Variants in WSCD1 observed in about 807,000 individuals in gnomAD.
WSCD1 encodes the protein sialate:O-sulfotransferase 1.
In WSCD1, 41 loss-of-function variants were observed where a neutral mutation model predicts 60.4. The observed-to-expected ratio is 0.68, with a 90% CI of 0.53 to 0.88. WSCD1 has a LOEUF of 0.88. WSCD1 is among the 40% of genes least tolerant of loss of function. WSCD1 has a pLI of 0.00. For synonymous variants in WSCD1, 361 were observed against 332.5 expected, an observed-to-expected ratio of 1.09 and a Z score of -0.93; for missense variants, 784 against 796.2, an observed-to-expected ratio of 0.98 and a Z score of 0.18.
intron 5 of WSCD1, among the ~76,000 whole-genome samples, chr17:6,095,621 G>A (rs1910376385): frequency 6.6e-6 from 1 of 152,250 alleles, no homozygotes; most frequent in East Asian, 1.9e-4. Context: ...TCTGATGACA[G>A]GGGCTGGAGC....
chr17:6,093,895 G>A (rs1182450421), intron 4 of WSCD1, among the ~76,000 whole-genome samples: 1 of 152,216 alleles, frequency 6.6e-6, no homozygotes, highest in Non-Finnish European at 1.5e-5. Flanking sequence ...CCCACACTAG[G>A]CTGTTGTCTG....
At chr17:6,097,432 G>A (rs1453002042) in intron 5 of WSCD1, among the ~76,000 whole-genome samples, 1 of 152,200 alleles carries the variant, frequency 6.6e-6, no homozygotes, top group Non-Finnish European at 1.5e-5. Context: ...TCAAGCAACT[G>A]CATCCTTGCC....
intron 8 of WSCD1, among the ~76,000 whole-genome samples, chr17:6,119,145 C>T (rs1904485457): frequency 6.6e-6 from 1 of 152,342 alleles, no homozygotes; most frequent in Admixed American, 6.5e-5. Context: ...AATCCCCCAT[C>T]CCTAATACCA....
intron 2 of WSCD1, among the ~76,000 whole-genome samples, chr17:6,083,640 G>A (rs574355376): frequency 8.5e-5 from 13 of 152,222 alleles, no homozygotes; most frequent in South Asian, 2.1e-4. Context: ...TTAGCCAGGC[G>A]TGGTGGCACG....
At chr17:6,095,669 A>G (rs551720234) in intron 5 of WSCD1, among the ~76,000 whole-genome samples, 1 of 152,224 alleles carries the variant, frequency 6.6e-6, no homozygotes, top group African/African-American at 2.4e-5. Context: ...GCTGAGGAGT[A>G]GAGCGTGACC....
intron 5 of WSCD1, among the ~76,000 whole-genome samples, chr17:6,097,951 T>C (rs1910550305): frequency 7.8e-6 from 1 of 127,882 alleles, no homozygotes; most frequent in South Asian, 2.3e-4. Context: ...GAGAGTTCTT[T>C]CTTTTTTTTT....
chr17:6,103,048 T>C (rs1910892646), intron 5 of WSCD1, among the ~76,000 whole-genome samples: 1 of 152,212 alleles, frequency 6.6e-6, no homozygotes, highest in African/African-American at 2.4e-5. Context: ...AAAAGGGCTT[T>C]AGAGTCGTGG....
chr17:6,111,837 G>A (rs1312763435), intron 7 of WSCD1, among the ~76,000 whole-genome samples: 3 of 151,836 alleles, frequency 2.0e-5, no homozygotes, highest in Non-Finnish European at 4.4e-5. Context: ...ATGATTTTAA[G>A]GAAACTCAGC....
chr17:6,092,431 G>A (rs1910119298), intron 4 of WSCD1, among the ~76,000 whole-genome samples: 1 of 152,100 alleles, frequency 6.6e-6, no homozygotes, highest in South Asian at 2.1e-4. Context: ...GGGCAATGGG[G>A]ACAGGGGCGG....
chr17:6,105,878 G>A (rs983926360), intron 5 of WSCD1, among the ~76,000 whole-genome samples: 1 of 152,218 alleles, frequency 6.6e-6, no homozygotes, highest in African/African-American at 2.4e-5. Context: ...TTCTGATATG[G>A]GGAAGATTTG....
intron 2 of WSCD1, among the ~76,000 whole-genome samples, chr17:6,085,758 T>A (rs191817863): frequency 6.6e-6 from 1 of 152,368 alleles, no homozygotes; most frequent in East Asian, 1.9e-4. Flanking sequence ...AAATGGAACT[T>A]CTTTGCTGAG....
Position 6,080,684 on chromosome 17 carries a change from A to G in WSCD1, c.26A>G (p.Gln9Arg). 1 of 1,613,606 alleles carries G rather than the reference A, an allele frequency of 6.2e-7. No individual in the cohort carries two copies. Among genetic ancestry groups the G allele is most frequent in the East Asian group, 2.2e-5 (1 of 44,866 alleles). The change falls in exon 2 of 9, where the codon CAG becomes CGG. Residue 9 changes from glutamine to arginine, a missense_variant. Physicochemically the swap from Gln to Arg is conservative, Grantham distance 43. Coordinates refer to ENST00000317744, the MANE Select transcript of WSCD1 (RefSeq NM_015253.2). This position sits in a 1 kb window ranked among gnomAD's most constrained non-coding sequence, Gnocchi z 6.6. ...ATGGCCAAACCTTTCTTCCGACTCCAGAAGTTTCTCCGCCGAACACAGTTC... is the reference window on the plus strand; with the variant it reads ...ATGGCCAAACCTTTCTTCCGACTCCGGAAGTTTCTCCGCCGAACACAGTTC... MAKPFFRL[Q>R]KFLRRTQFLL...
At chr17:6,091,654 G>T (rs1455521085) in intron 4 of WSCD1, among the ~76,000 whole-genome samples, 1 of 152,174 alleles carries the variant, frequency 6.6e-6, no homozygotes, top group East Asian at 1.9e-4. Context: ...CACATGCTGG[G>T]GGCCATTCTT....
chr17:6,086,274 T>TATATATATATATATATATATATATATAC (rs1171616404), intron 2 of WSCD1, among the ~76,000 whole-genome samples: 7 of 145,736 alleles, frequency 4.8e-5, no homozygotes, highest in South Asian at 4.3e-4. Context: ...TATATATATA[T>TATATATATATATATATATATATATATAC]ACTTATGTAC....
chr17:6,115,101 A>G (rs1297014271), intron 7 of WSCD1, among the ~76,000 whole-genome samples: 1 of 152,228 alleles, frequency 6.6e-6, no homozygotes, highest in Non-Finnish European at 1.5e-5. Flanking sequence ...AGTCTGATTC[A>G]GGTAGTCCGA....
chr17:6,121,878 T>C lies in WSCD1; in HGVS notation c.*1217T>C, dbSNP rs929973920. The C allele has an allele frequency of 6.6e-6, 1 of 152,060 alleles. No homozygotes were observed. The allele number at this position is 152,060 out of a possible 1,614,324, so 9.4% of individuals were successfully genotyped here. A position where few individuals can be genotyped will look rare whatever the true frequency, so the allele number is the denominator to read the frequency against. ...GGCCAGGAGGTTCAAGTATGGAGGG[T>C]AGGAGTGCAACCCAGGAGCAACGCT... On this transcript the variant is annotated 3_prime_UTR_variant, in exon 9 of 9. Coordinates refer to ENST00000317744, the MANE Select transcript of WSCD1 (RefSeq NM_015253.2).
intron 8 of WSCD1, among the ~76,000 whole-genome samples, chr17:6,119,036 A>G (rs1047448603): frequency 3.3e-5 from 5 of 152,154 alleles, no homozygotes; most frequent in African/African-American, 1.2e-4. Context: ...GTGTCCTCAC[A>G]TGTCCCCAAC....
At chr17:6,117,339 C>G (rs1176816352) in intron 7 of WSCD1, among the ~76,000 whole-genome samples, 1 of 152,190 alleles carries the variant, frequency 6.6e-6, no homozygotes, top group Non-Finnish European at 1.5e-5. Flanking sequence ...AGGCCTTGAC[C>G]AGACCTGCTC....
At chr17:6,090,206 A>G in intron 3 of WSCD1, 115 bp from the exon 4 acceptor site, 1 of 1,094,588 alleles carries the variant, frequency 9.1e-7, no homozygotes, top group Non-Finnish European at 1.2e-6. Flanking sequence ...ATTAAAACAA[A>G]AAACAAAAAA....
Sources: gnomAD v4.1 joint callset for allele counts (sites outside exome capture counted in the v4.1 genomes callset) on GRCh38, gnomAD v4.1.1 for gene constraint, Gnocchi (gnomAD v3.1) non-coding constraint, MANE v1.5 for transcripts, NCBI Gene and HGNC (gene_info 2026-07-23, HGNC 2026-07-21) for gene names.